The following CDKL1 variants were observed in gnomAD, a reference collection of about 807,000 sequenced individuals.
The protein encoded by CDKL1 is cyclin-dependent kinase-like 1.
CDKL1 carries 41 observed loss-of-function variants against 42.0 expected under a neutral mutation model. The observed-to-expected ratio is 0.98, with a 90% CI of 0.76 to 1.27. The LOEUF is 1.27. Among genes scored for constraint, CDKL1 ranks in the 50% most tolerant of loss-of-function variants. The pLI, the probability that CDKL1 is intolerant of heterozygous loss-of-function variation, is 0.00. For synonymous variants in CDKL1, 153 were observed against 158.6 expected (o/e 0.96, Z 0.26); for missense variants, 394 against 428.4 (o/e 0.92, Z 0.71).
At chr14:50,370,851 G>A (rs1595346923) in intron 2 of CDKL1, among the ~76,000 whole-genome samples, 2 of 152,216 alleles carry the variant, frequency 1.3e-5, no homozygotes, top group Middle Eastern at 6.8e-3. Context: ...CAAGTAATGA[G>A]GGATCTGCCC....
At chr14:50,392,473 T>TAATA (rs2035286934) in intron 2 of CDKL1, among the ~76,000 whole-genome samples, 1 of 146,208 alleles carries the variant, frequency 6.8e-6, no homozygotes, top group African/African-American at 2.5e-5. Context: ...ATAATAATAA[T>TAATA]AATAATAATA....
At chr14:50,355,950 G>A (rs1295378852) in intron 3 of CDKL1, among the ~76,000 whole-genome samples, 1 of 152,172 alleles carries the variant, frequency 6.6e-6, no homozygotes, top group Non-Finnish European at 1.5e-5. Flanking sequence ...ATCTCATGCT[G>A]GGGGGATTTC....
intron 3 of CDKL1, among the ~76,000 whole-genome samples, chr14:50,348,928 T>C (rs1169732056): frequency 6.6e-6 from 1 of 152,040 alleles, no homozygotes; most frequent in Non-Finnish European, 1.5e-5. Context: ...GGAGGACCAG[T>C]TCAAGAGTCC....
intron 2 of CDKL1, chr14:50,390,349 G>A (rs774458579): frequency 2.9e-6 from 4 of 1,366,178 alleles, no homozygotes; most frequent in Non-Finnish European, 3.9e-6. Flanking sequence ...AACTCCGCTA[G>A]GAGCATCTAC....
At position 50,381,555 on chromosome 14, in the gene CDKL1, G is replaced by C. The variant is rs116040575; in HGVS notation, c.168+14146C>G. Among the ~76,000 whole-genome samples, 949 of 152,208 alleles carry C rather than the reference G, an allele frequency of 6.2e-3. 6 individuals carry two copies. Among genetic ancestry groups the C allele is most frequent in the African/African-American group, 0.021 (882 of 41,542 alleles). Reference sequence around the variant, plus strand: ...AGCACAGGCCAGTGATGTGCACCGTGGATGCTTGACCTGTTTTACTGACTA... The same window carrying C: ...AGCACAGGCCAGTGATGTGCACCGTCGATGCTTGACCTGTTTTACTGACTA... On this transcript the variant is annotated intron_variant, in intron 2 of 9. Coordinates refer to ENST00000395834, the MANE Select transcript of CDKL1 (RefSeq NM_004196.7).
At chr14:50,378,384 C>A (rs765053744) in intron 2 of CDKL1, 1 of 1,366,468 alleles carries the variant, frequency 7.3e-7, no homozygotes, top group Admixed American at 1.9e-5. Flanking sequence ...TCATAGGTAC[C>A]AGCAGCCGTC....
chr14:50,394,743 AG>A (rs2035350629), intron 2 of CDKL1, among the ~76,000 whole-genome samples: 1 of 152,206 alleles, frequency 6.6e-6, no homozygotes, highest in South Asian at 2.1e-4. Flanking sequence ...AGTTCTGTAA[AG>A]TAGTCTCTCC....
intron 2 of CDKL1, chr14:50,390,265 C>A: frequency 7.3e-7 from 1 of 1,366,386 alleles, no homozygotes; most frequent in Non-Finnish European, 9.8e-7. Context: ...TATTTTAACG[C>A]CCCCATACCA....
chr14:50,377,856 G>A (rs559305357), intron 2 of CDKL1: 85 of 585,864 alleles, frequency 1.5e-4, no homozygotes, highest in Admixed American at 9.4e-4. Context: ...GGTTAGCCAC[G>A]AACAGTCATC....
chr14:50,390,440 AG>A (rs1266666411), intron 2 of CDKL1: 1 of 1,297,076 alleles, frequency 7.7e-7, no homozygotes, highest in Admixed American at 2.4e-5. Context: ...TCAGCAGCAT[AG>A]GGGCTTGGGG....
chr14:50,381,479 C>G (rs1313140787), intron 2 of CDKL1, among the ~76,000 whole-genome samples: 1 of 152,200 alleles, frequency 6.6e-6, no homozygotes, highest in Non-Finnish European at 1.5e-5. Context: ...GTATGAGGAA[C>G]AAAGCCTCAC....
intron 4 of CDKL1, among the ~76,000 whole-genome samples, chr14:50,344,019 T>C (rs11570827): frequency 2.6e-5 from 4 of 152,214 alleles, no homozygotes; most frequent in African/African-American, 9.6e-5. Context: ...TTGAGTAAGA[T>C]AAAACATTGC....
rs993481571 is a variant in CDKL1 at position 50,328,233 on chromosome 14, T to A, written c.*1841A>T. ...CTTGGGTTAAGGAAAAAAAAATTTT[T>A]TTTTAACTATTCACGGAAGCTGGAT... On this transcript the variant is annotated 3_prime_UTR_variant, in exon 10 of 10. Transcript: ENST00000395834. The A allele has an allele frequency of 6.6e-6, 1 of 152,206 alleles. No homozygotes were observed. Among genetic ancestry groups the A allele is most frequent in the Admixed American group, 6.5e-5 (1 of 15,282 alleles). The allele number at this position is 152,206 out of a possible 1,614,324, so 9.4% of individuals were successfully genotyped here.
At chr14:50,369,289 A>T (rs1255033236) in intron 2 of CDKL1, among the ~76,000 whole-genome samples, 1 of 152,132 alleles carries the variant, frequency 6.6e-6, no homozygotes, top group Non-Finnish European at 1.5e-5. Context: ...GGCTGAGAGC[A>T]GCTGTTCACT....
chr14:50,382,875 A>G (rs1414246969), intron 2 of CDKL1, among the ~76,000 whole-genome samples: 1 of 151,780 alleles, frequency 6.6e-6, no homozygotes, highest in Non-Finnish European at 1.5e-5. Flanking sequence ...TTACAGGCGT[A>G]AGCCACCATG....
intron 4 of CDKL1, chr14:50,343,136 A>C: frequency 1.2e-6 from 1 of 832,240 alleles, no homozygotes; most frequent in Non-Finnish European, 1.6e-6. Context: ...GAACAAATCA[A>C]CAACCTAATT....
Position 50,330,083 on chromosome 14 carries a change from T to G in CDKL1, c.1065A>C (p.Pro355=), listed in dbSNP as rs1276072527. ...ATGTCTCCTAGCTCCTTTAAATGTT[T>G]GGAAAACGGTAGTTAAGTTTCTTGG... ...CDTKKLNYRF[P]NI The change falls in exon 10 of 10, where the codon CCA becomes CCC. Residue 355 remains proline, a synonymous_variant. Transcript: ENST00000395834. 6.2e-7 allele frequency: 1 copy of G among 1,608,756 alleles called. No homozygotes were observed. Among genetic ancestry groups the G allele is most frequent in the South Asian group, 1.1e-5 (1 of 89,214 alleles).
At chr14:50,336,279 C>T (rs200107684) in intron 7 of CDKL1, 85 of 1,229,832 alleles carry the variant, frequency 6.9e-5, no homozygotes, top group Admixed American at 5.5e-5. Context: ...GTGTTTCTGT[C>T]AACAGGAAAT....
chr14:50,357,746 C>T (rs1316358796), intron 3 of CDKL1, among the ~76,000 whole-genome samples: 1 of 152,200 alleles, frequency 6.6e-6, no homozygotes, highest in Non-Finnish European at 1.5e-5. Flanking sequence ...TGTGCAGATG[C>T]TACCTTCTTC....
Sources: allele counts gnomAD v4.1 joint callset (sites outside exome capture counted in the v4.1 genomes callset), GRCh38; gene constraint gnomAD v4.1.1; transcripts MANE v1.5; gene names NCBI Gene and HGNC (gene_info 2026-07-23, HGNC 2026-07-21).